CDH13: variants seen among roughly 807,000 people sequenced by gnomAD.
CDH13 encodes cadherin 13, also known as cadherin-13.
A neutral mutation model predicts 63.8 loss-of-function variants in CDH13; 24 were observed. The ratio of observed to expected loss-of-function variants is 0.38; its 90% CI spans 0.27 to 0.53. The LOEUF is 0.53. CDH13 is among the 20% of genes least tolerant of loss of function. The probability of loss-of-function intolerance (pLI) is 0.85; values close to 1 mark genes in which losing one functional copy is unlikely to be tolerated. For synonymous variants in CDH13, 503 were observed against 355.3 expected, an observed-to-expected ratio of 1.42 and a Z score of -4.67; for missense variants, 1,049 against 903.1, an observed-to-expected ratio of 1.16 and a Z score of -2.07.
chr16:83,486,338 G>A, intron 6 of CDH13, 139 bp from the exon 7 acceptor site: 1 of 606,738 alleles, frequency 1.6e-6, no homozygotes, highest in Non-Finnish European at 2.7e-6. Context: ...ACATAGCAAA[G>A]CTTGGGAAAT....
intron 7 of CDH13, among the ~76,000 whole-genome samples, chr16:83,524,514 G>A (rs765955238): frequency 2.0e-4 from 28 of 142,974 alleles, no homozygotes; most frequent in Non-Finnish European, 2.9e-4. Context: ...CTGCAGTGGC[G>A]CGCTCTCGGC....
At chr16:83,748,007 A>G (rs1464828918) in intron 10 of CDH13, 101 bp from the exon 11 acceptor site, 3 of 1,277,842 alleles carry the variant, frequency 2.3e-6, no homozygotes, top group Admixed American at 1.8e-5. Flanking sequence ...TTTGTTACCT[A>G]GGATCCAGCA....
chr16:82,702,919 T>C (rs1410948457), intron 1 of CDH13, among the ~76,000 whole-genome samples: 1 of 152,098 alleles, frequency 6.6e-6, no homozygotes, highest in Admixed American at 6.5e-5. Flanking sequence ...CCCTCATTGG[T>C]TGGCTATGAA....
chr16:83,181,072 A>G, intron 4 of CDH13: 1 of 1,386,996 alleles, frequency 7.2e-7, no homozygotes, highest in Non-Finnish European at 9.6e-7. Flanking sequence ...GATGTGTTTA[A>G]ATAAATTGTC....
intron 7 of CDH13, among the ~76,000 whole-genome samples, chr16:83,548,519 G>C (rs2075431042): frequency 6.6e-6 from 1 of 152,202 alleles, no homozygotes. Context: ...TGCAGTGTCA[G>C]AGGTGATCTT....
intron 3 of CDH13, among the ~76,000 whole-genome samples, chr16:83,067,560 A>G (rs1026952722): frequency 4.6e-5 from 7 of 152,186 alleles, no homozygotes; most frequent in Admixed American, 2.6e-4. Flanking sequence ...ATGTTTTACA[A>G]CCTCCACAAA....
At chr16:83,625,767 G>A (rs1446633427) in intron 8 of CDH13, among the ~76,000 whole-genome samples, 3 of 152,174 alleles carry the variant, frequency 2.0e-5, no homozygotes, top group African/African-American at 7.2e-5. Context: ...AAATTAGGGA[G>A]GGGAGGTCTA....
At chr16:83,771,761 A>G (rs1914776061) in intron 11 of CDH13, among the ~76,000 whole-genome samples, 1 of 152,236 alleles carries the variant, frequency 6.6e-6, no homozygotes, top group Non-Finnish European at 1.5e-5. Context: ...GAAAACTGTC[A>G]TTCCTACTAA....
At chr16:83,074,345 T>C (rs552483197) in intron 3 of CDH13, among the ~76,000 whole-genome samples, 15 of 152,328 alleles carry the variant, frequency 9.8e-5, no homozygotes, top group African/African-American at 3.4e-4. Flanking sequence ...AGCCAAATAG[T>C]ATTTCATTGT....
chr16:83,010,991 T>C (rs1210915254), intron 2 of CDH13, among the ~76,000 whole-genome samples: 2 of 152,170 alleles, frequency 1.3e-5, no homozygotes, highest in East Asian at 1.9e-4. Context: ...GCGTAGAACA[T>C]GCAACATCGT....
chr16:83,622,028 C>T (rs539416055), intron 8 of CDH13, among the ~76,000 whole-genome samples: 157 of 152,222 alleles, frequency 1.0e-3, no homozygotes, highest in African/African-American at 3.6e-3. Flanking sequence ...CTAATCATTT[C>T]TTATGAGCAA....
At chr16:83,347,686 A>G (rs2090868577) in intron 6 of CDH13, among the ~76,000 whole-genome samples, 1 of 152,246 alleles carries the variant, frequency 6.6e-6, no homozygotes, top group South Asian at 2.1e-4. Flanking sequence ...TGACAAAGTT[A>G]CCTGGCTGGG....
chr16:82,689,729 C>A (rs892468991), intron 1 of CDH13, among the ~76,000 whole-genome samples: 28 of 152,148 alleles, frequency 1.8e-4, no homozygotes, highest in Admixed American at 4.6e-4. Context: ...TGCCAGGCCT[C>A]ACATTTACAT....
At chr16:82,875,712 G>A (rs2040482501) in intron 2 of CDH13, among the ~76,000 whole-genome samples, 1 of 151,968 alleles carries the variant, frequency 6.6e-6, no homozygotes, top group South Asian at 2.1e-4. Context: ...ATGCAAAAGG[G>A]GACCAATAAA....
At chr16:83,012,904 G>A (rs888400286) in intron 2 of CDH13, among the ~76,000 whole-genome samples, 6 of 152,100 alleles carry the variant, frequency 3.9e-5, no homozygotes, top group Non-Finnish European at 7.4e-5. Flanking sequence ...AAAAATTAAA[G>A]GCAATACAAT....
chr16:83,470,728 C>A (rs2073432439), intron 6 of CDH13, among the ~76,000 whole-genome samples: 1 of 152,238 alleles, frequency 6.6e-6, no homozygotes, highest in Admixed American at 6.5e-5. Flanking sequence ...GCTGCACGTC[C>A]TCTGCCTCTC....
chr16:83,499,697 C>T (rs892385333), intron 7 of CDH13, among the ~76,000 whole-genome samples: 1 of 152,204 alleles, frequency 6.6e-6, no homozygotes, highest in Non-Finnish European at 1.5e-5. Flanking sequence ...TAATACAGCA[C>T]ATGCTTAGGA....
chr16:82,751,894 C>G (rs1452220049), intron 1 of CDH13, among the ~76,000 whole-genome samples: 2 of 152,084 alleles, frequency 1.3e-5, no homozygotes, highest in Non-Finnish European at 2.9e-5. Context: ...TCTGAATGTA[C>G]AGAAAGCAGC....
intron 10 of CDH13, among the ~76,000 whole-genome samples, chr16:83,713,720 T>G (rs1908441472): frequency 6.6e-6 from 1 of 152,084 alleles, no homozygotes; most frequent in South Asian, 2.1e-4. Context: ...TAACCAGAAC[T>G]CGATCTGAGG....
Sources: gnomAD v4.1 joint callset for allele counts (sites outside exome capture counted in the v4.1 genomes callset) on GRCh38, gnomAD v4.1.1 for gene constraint, MANE v1.5 for transcripts, NCBI Gene and HGNC (gene_info 2026-07-23, HGNC 2026-07-21) for gene names.